The following IREB2 variants were observed in gnomAD, a reference collection of about 807,000 sequenced individuals.
IREB2 encodes the protein iron responsive element binding protein 2, also known as iron-responsive element-binding protein 2.
In IREB2, 39 loss-of-function variants were observed where a neutral mutation model predicts 118.8. The observed-to-expected ratio is 0.33, with a 90% CI of 0.25 to 0.43. The LOEUF (loss-of-function observed/expected upper bound fraction) is 0.43. Among genes scored for constraint, IREB2 ranks in the 20% least tolerant of loss-of-function variants. IREB2 has a pLI of 1.00. For synonymous variants in IREB2, 372 were observed against 392.2 expected (o/e 0.95, Z 0.61); for missense variants, 900 against 1,147.3 (o/e 0.78, Z 3.11).
chr15:78,448,751 G>A (rs1394028818), intron 2 of IREB2, among the ~76,000 whole-genome samples: 1 of 152,144 alleles, frequency 6.6e-6, no homozygotes, highest in Non-Finnish European at 1.5e-5. Flanking sequence ...TTTCTGCTCT[G>A]GTGTCCTAGC....
chr15:78,483,031 G>T (rs2051602008), intron 10 of IREB2, among the ~76,000 whole-genome samples: 1 of 152,048 alleles, frequency 6.6e-6, no homozygotes, highest in African/African-American at 2.4e-5. Flanking sequence ...GAGCCACCGC[G>T]CCCGGCCCCA....
At chr15:78,482,252 AATAAAT>A (rs1445078235) in intron 10 of IREB2, among the ~76,000 whole-genome samples, 3 of 152,048 alleles carry the variant, frequency 2.0e-5, no homozygotes, top group Non-Finnish European at 4.4e-5. Context: ...AATAATAATA[AATAAAT>A]ACAGTGTAAG....
intron 20 of IREB2, among the ~76,000 whole-genome samples, chr15:78,494,829 T>C (rs1219843967): frequency 1.3e-5 from 2 of 152,212 alleles, no homozygotes; most frequent in East Asian, 3.8e-4. Flanking sequence ...CGCTGTGGCC[T>C]CCCAGGGTGC....
At chr15:78,468,247 CTG>C (rs1018507597) in intron 5 of IREB2, among the ~76,000 whole-genome samples, 6 of 152,130 alleles carry the variant, frequency 3.9e-5, no homozygotes, top group African/African-American at 1.4e-4. Context: ...TGTTAGTAAA[CTG>C]TCTTTTTTTT....
intron 11 of IREB2, among the ~76,000 whole-genome samples, chr15:78,483,828 A>G (rs915604412): frequency 4.7e-5 from 7 of 147,438 alleles, no homozygotes; most frequent in African/African-American, 1.8e-4. Flanking sequence ...TTGTTGCCCA[A>G]GCTGGAGTGC....
chr15:78,446,167 T>A (rs952231771), intron 2 of IREB2, among the ~76,000 whole-genome samples: 18 of 152,336 alleles, frequency 1.2e-4, no homozygotes, highest in African/African-American at 3.8e-4. Flanking sequence ...GACACAAATC[T>A]GTTCATCTTG....
At chr15:78,487,234 G>T (rs1019576815) in intron 13 of IREB2, among the ~76,000 whole-genome samples, 2 of 152,044 alleles carry the variant, frequency 1.3e-5, no homozygotes, top group Admixed American at 1.3e-4. Context: ...GGTTATTATA[G>T]CCAGGTCCTC....
chr15:78,450,822 ATT>A (rs1246474306), intron 2 of IREB2, among the ~76,000 whole-genome samples: 22 of 121,310 alleles, frequency 1.8e-4, no homozygotes, highest in African/African-American at 6.0e-4. Context: ...ATATTAACAA[ATT>A]TGTGTGTGTG....
rs1481719054 is a variant in IREB2, at chr15:78,439,901, T to C, written c.106+20T>C. 1.4e-6 allele frequency: 2 copies of C among 1,473,278 alleles called. No homozygotes were observed. The allele number at this position is 1,473,278 out of a possible 1,614,324, so 91.3% of individuals were successfully genotyped here. A position where few individuals can be genotyped will look rare whatever the true frequency, so the allele number is the denominator to read the frequency against. Reference sequence around the variant, plus strand: ...AGTATGGTAATGTTGCTTTACATTTTCTTGGGTTTGTTTAGTCTCTAATAA... The same window carrying C: ...AGTATGGTAATGTTGCTTTACATTTCCTTGGGTTTGTTTAGTCTCTAATAA... On this transcript the variant is annotated intron_variant, in intron 2 of 21. Coordinates refer to ENST00000258886, the MANE Select transcript of IREB2 (RefSeq NM_004136.4).
At chr15:78,464,940 G>C (rs973689937) in intron 3 of IREB2, among the ~76,000 whole-genome samples, 1 of 152,124 alleles carries the variant, frequency 6.6e-6, no homozygotes, top group Non-Finnish European at 1.5e-5. Context: ...CTGGAACTAG[G>C]GAAAGGGGAA....
intron 8 of IREB2, 44 bp from the exon 9 acceptor site, chr15:78,476,139 AATCTT>A: frequency 1.4e-6 from 2 of 1,387,618 alleles, no homozygotes; most frequent in Non-Finnish European, 2.0e-6. Flanking sequence ...AATCGTTGCT[AATCTT>A]ATCTTTGCAA....
intron 2 of IREB2, among the ~76,000 whole-genome samples, chr15:78,449,802 A>G (rs1044121672): frequency 6.6e-6 from 1 of 150,574 alleles, no homozygotes; most frequent in Non-Finnish European, 1.5e-5. Context: ...AGACCTCAGC[A>G]TTTTTTTTTC....
chr15:78,473,721 G>A (rs1379231280), intron 8 of IREB2: 3 of 178,272 alleles, frequency 1.7e-5, no homozygotes, highest in Non-Finnish European at 3.5e-5. Context: ...GAGTAGTAAG[G>A]GGTAGAGCAA....
Position 78,439,787 on chromosome 15 carries a change from T to A in IREB2, c.20-8T>A. ...CTGCATTTAATGAAAATACAATTTTTTTTTCAGGATACGCCTTTGAGTACC... is the reference window on the plus strand; with the variant it reads ...CTGCATTTAATGAAAATACAATTTTATTTTCAGGATACGCCTTTGAGTACC... On this transcript the variant is annotated splice_polypyrimidine_tract_variant and splice_region_variant and intron_variant, in intron 1 of 21. Coordinates refer to ENST00000258886, the MANE Select transcript of IREB2 (RefSeq NM_004136.4). 6.6e-7 allele frequency: 1 copy of A among 1,521,142 alleles called. No individual in the cohort carries two copies. Among genetic ancestry groups the A allele is most frequent in the Non-Finnish European group, 9.0e-7 (1 of 1,113,626 alleles). The allele number at this position is 1,521,142 out of a possible 1,614,324, so 94.2% of individuals were successfully genotyped here.
rs750845445 is a variant in IREB2, at chr15:78,438,268, C to G, written c.-70C>G. On this transcript the variant is annotated 5_prime_UTR_variant, in exon 1 of 22. Transcript: ENST00000258886. Reference sequence around the variant, plus strand: ...CCAGTCCGCCTGTCTTCCTCCCCGTCTTCCCTGCCCGGCCTCCCCCTTCTT... The same window carrying G: ...CCAGTCCGCCTGTCTTCCTCCCCGTGTTCCCTGCCCGGCCTCCCCCTTCTT... 74 of 1,245,738 alleles carry G rather than the reference C, an allele frequency of 5.9e-5. No homozygotes were observed. The highest frequency in any genetic ancestry group is 7.5e-5 in the Non-Finnish European group (65 of 866,114). The allele number at this position is 1,245,738 out of a possible 1,614,324, so 77.2% of individuals were successfully genotyped here.
chr15:78,481,281 C>A (rs1279319086), intron 10 of IREB2, among the ~76,000 whole-genome samples: 1 of 152,162 alleles, frequency 6.6e-6, no homozygotes, highest in East Asian at 1.9e-4. Flanking sequence ...CGGCTCACTG[C>A]AACCTCCATT....
intron 7 of IREB2, 54 bp from the exon 8 acceptor site, chr15:78,473,188 A>G: frequency 6.6e-7 from 1 of 1,523,072 alleles, no homozygotes; most frequent in South Asian, 1.1e-5. Flanking sequence ...GATGTTACAG[A>G]GATAAATGAT....
intron 2 of IREB2, among the ~76,000 whole-genome samples, chr15:78,441,529 A>G (rs2141442192): frequency 6.6e-6 from 1 of 152,364 alleles, no homozygotes; most frequent in Middle Eastern, 3.4e-3. Flanking sequence ...TTAAAGGAGC[A>G]CATAAGATGT....
At chr15:78,458,522 A>G (rs1052039760) in intron 2 of IREB2, among the ~76,000 whole-genome samples, 7 of 151,848 alleles carry the variant, frequency 4.6e-5, no homozygotes, top group Admixed American at 4.6e-4. Context: ...ATGATCCTCC[A>G]GCCTCACCTC....
Sources: gnomAD v4.1 joint callset for allele counts (sites outside exome capture counted in the v4.1 genomes callset) on GRCh38, gnomAD v4.1.1 for gene constraint, MANE v1.5 for transcripts, NCBI Gene and HGNC (gene_info 2026-07-23, HGNC 2026-07-21) for gene names.